Variants in PPP2R5E observed in about 807,000 individuals in gnomAD.
The protein encoded by PPP2R5E is serine/threonine-protein phosphatase 2A 56 kDa regulatory subunit epsilon isoform.
A neutral mutation model predicts 65.3 loss-of-function variants in PPP2R5E; 4 were observed. The observed-to-expected ratio is 0.06, with a 90% confidence interval of 0.03 to 0.14. The LOEUF (loss-of-function observed/expected upper bound fraction) is 0.14, where lower values mean the gene tolerates loss of function less well. PPP2R5E is among the 10% of genes least tolerant of loss of function. The pLI is 1.00. For synonymous variants in PPP2R5E, 183 were observed against 187.4 expected, an observed-to-expected ratio of 0.98 and a Z score of 0.19; for missense variants, 274 against 556.1, an observed-to-expected ratio of 0.49 and a Z score of 5.10.
intron 5 of PPP2R5E, among the ~76,000 whole-genome samples, chr14:63,397,074 T>C (rs1885437208): frequency 6.6e-6 from 1 of 152,164 alleles, no homozygotes; most frequent in African/African-American, 2.4e-5. Context: ...CTGGGGCACA[T>C]AGGGTTAAGT....
intron 2 of PPP2R5E, among the ~76,000 whole-genome samples, chr14:63,487,348 T>A (rs1891046075): frequency 6.6e-6 from 1 of 150,578 alleles, no homozygotes; most frequent in Admixed American, 6.6e-5. Context: ...CTATTATAAT[T>A]TACCACCCCC....
chr14:63,539,990 T>C (rs1893822084), intron 1 of PPP2R5E, among the ~76,000 whole-genome samples: 1 of 151,334 alleles, frequency 6.6e-6, no homozygotes, highest in Non-Finnish European at 1.5e-5. Context: ...CCGGGCATGA[T>C]GGCAGGTGCT....
At position 63,371,746 on chromosome 14, in the gene PPP2R5E, C is replaced by T. The variant is rs1883700306; in HGVS notation, c.*4263G>A. 1 of 152,064 alleles carries T rather than the reference C, an allele frequency of 6.6e-6. No individual in the cohort carries two copies. The highest frequency in any genetic ancestry group is 2.4e-5 in the African/African-American group (1 of 41,396). The allele number at this position is 152,064 out of a possible 1,614,324, so 9.4% of individuals were successfully genotyped here. ...CAAAGAGATGCTGTTTAAAAAAACA[C>T]ACACACAGCTAAATTTAAAACCGAT... On this transcript the variant is annotated 3_prime_UTR_variant, in exon 14 of 14. Coordinates refer to ENST00000337537, the MANE Select transcript of PPP2R5E (RefSeq NM_006246.5).
At chr14:63,533,515 C>A (rs548713721) in intron 2 of PPP2R5E, among the ~76,000 whole-genome samples, 3 of 152,146 alleles carry the variant, frequency 2.0e-5, no homozygotes, top group Admixed American at 2.0e-4. Context: ...GAGCCGAGAT[C>A]GCACCATTAC....
chr14:63,500,632 T>A (rs935818575), intron 2 of PPP2R5E, among the ~76,000 whole-genome samples: 5 of 152,190 alleles, frequency 3.3e-5, no homozygotes, highest in African/African-American at 9.6e-5. Flanking sequence ...GGCAAGAGGA[T>A]CTCTTGAGGC....
At chr14:63,427,893 G>T (rs755942790) in intron 3 of PPP2R5E, among the ~76,000 whole-genome samples, 4 of 152,158 alleles carry the variant, frequency 2.6e-5, no homozygotes, top group Non-Finnish European at 5.9e-5. Flanking sequence ...CACAGAGAAA[G>T]TTCCCAGGGT....
At chr14:63,412,726 C>T (rs1007156420) in intron 5 of PPP2R5E, among the ~76,000 whole-genome samples, 5 of 152,066 alleles carry the variant, frequency 3.3e-5, no homozygotes, top group Admixed American at 2.6e-4. Context: ...TGGGGATTGG[C>T]GAGGAGAAAA....
Position 63,533,466 on chromosome 14 carries a change from C to G in PPP2R5E, c.157+6063G>C, listed in dbSNP as rs189177070. ...ATCCCAGCTACTTGGGAGGCTGAGGCAGGAAAATGGCTTGAACCCGGAAGG... is the reference window on the plus strand; with the variant it reads ...ATCCCAGCTACTTGGGAGGCTGAGGGAGGAAAATGGCTTGAACCCGGAAGG... On this transcript the variant is annotated intron_variant, in intron 2 of 13. Coordinates refer to ENST00000337537, the MANE Select transcript of PPP2R5E (RefSeq NM_006246.5). 4.6e-3 allele frequency among the ~76,000 whole-genome samples: 694 copies of G among 152,202 alleles called. 12 individuals carry two copies. The South Asian group carries it at 0.072, about 16-fold the overall frequency.
At chr14:63,471,112 C>A (rs1890106349) in intron 2 of PPP2R5E, among the ~76,000 whole-genome samples, 1 of 152,184 alleles carries the variant, frequency 6.6e-6, no homozygotes. Context: ...TTACATAAAT[C>A]TGCAAAAACA....
intron 2 of PPP2R5E, among the ~76,000 whole-genome samples, chr14:63,524,454 T>C (rs1893097945): frequency 6.6e-6 from 1 of 152,188 alleles, no homozygotes; most frequent in African/African-American, 2.4e-5. Flanking sequence ...TGAATCTCGT[T>C]TTACCAAAAG....
At chr14:63,481,571 G>C (rs909042513) in intron 2 of PPP2R5E, among the ~76,000 whole-genome samples, 1 of 147,890 alleles carries the variant, frequency 6.8e-6, no homozygotes, top group Admixed American at 6.8e-5. Context: ...CATGTATGAA[G>C]AGCTCATTTA....
chr14:63,415,833 G>A (rs546401616), intron 4 of PPP2R5E, among the ~76,000 whole-genome samples: 87 of 152,146 alleles, frequency 5.7e-4, no homozygotes, highest in Admixed American at 2.2e-3. Flanking sequence ...ATCATTCTGC[G>A]ACAACGTGCA....
At chr14:63,520,646 G>T (rs959933806) in intron 2 of PPP2R5E, among the ~76,000 whole-genome samples, 3 of 151,978 alleles carry the variant, frequency 2.0e-5, no homozygotes, top group Non-Finnish European at 4.4e-5. Context: ...AGAATTTAAG[G>T]CCCTTGGAGG....
chr14:63,371,376 C>T lies in PPP2R5E; in HGVS notation c.*4633G>A, dbSNP rs1883682727. On this transcript the variant is annotated 3_prime_UTR_variant, in exon 14 of 14. Transcript: ENST00000337537. ...CCAGGCACCTGAAAACTCTTCACTGCTTCTTTATTATGATGCACCCACAGT... is the reference window on the plus strand; with the variant it reads ...CCAGGCACCTGAAAACTCTTCACTGTTTCTTTATTATGATGCACCCACAGT... 6.6e-6 allele frequency: 1 copy of T among 152,256 alleles called. No homozygotes were observed. The highest frequency in any genetic ancestry group is 1.5e-5 in the Non-Finnish European group (1 of 68,066). The allele number at this position is 152,256 out of a possible 1,614,324, so 9.4% of individuals were successfully genotyped here. A position where few individuals can be genotyped will look rare whatever the true frequency, so the allele number is the denominator to read the frequency against.
intron 2 of PPP2R5E, among the ~76,000 whole-genome samples, chr14:63,481,656 A>C (rs1217872149): frequency 6.6e-6 from 1 of 152,212 alleles, no homozygotes; most frequent in Admixed American, 6.5e-5. Flanking sequence ...TAGTTTTAAC[A>C]ATCATTTATC....
At chr14:63,385,634 T>C (rs1884618778) in intron 11 of PPP2R5E, among the ~76,000 whole-genome samples, 1 of 152,198 alleles carries the variant, frequency 6.6e-6, no homozygotes, top group Admixed American at 6.5e-5. Flanking sequence ...GGGCAGGCAC[T>C]GTGCCTACAC....
chr14:63,540,791 G>C (rs1020123271), intron 1 of PPP2R5E, among the ~76,000 whole-genome samples: 1 of 151,618 alleles, frequency 6.6e-6, no homozygotes, highest in African/African-American at 2.4e-5. Flanking sequence ...TGAAAATTTA[G>C]TGAAAATAAT....
intron 2 of PPP2R5E, among the ~76,000 whole-genome samples, chr14:63,510,832 A>T (rs1322892084): frequency 1.3e-5 from 2 of 152,262 alleles, no homozygotes; most frequent in Non-Finnish European, 2.9e-5. Flanking sequence ...TCTGTTTTTA[A>T]AAGCTTGCTC....
chr14:63,423,534 T>C (rs1887158960), intron 3 of PPP2R5E, among the ~76,000 whole-genome samples: 1 of 152,136 alleles, frequency 6.6e-6, no homozygotes, highest in South Asian at 2.1e-4. Context: ...ATCCTCCTAA[T>C]GACCCAAACA....
Sources: allele counts gnomAD v4.1 joint callset (sites outside exome capture counted in the v4.1 genomes callset), GRCh38; gene constraint gnomAD v4.1.1; transcripts MANE v1.5; gene names NCBI Gene and HGNC (gene_info 2026-07-23, HGNC 2026-07-21).